The following ZNF445 variants were observed in gnomAD, a reference collection of about 807,000 sequenced individuals.
ZNF445 encodes zinc finger protein 445.
In ZNF445, 19 loss-of-function variants were observed where a neutral mutation model predicts 93.9. That is an observed-to-expected ratio of 0.20 (90% CI 0.14 to 0.30). The LOEUF is 0.30. Among genes scored for constraint, ZNF445 ranks in the 10% least tolerant of loss-of-function variants. The pLI, the probability that ZNF445 is intolerant of heterozygous loss-of-function variation, is 1.00. For synonymous variants in ZNF445, 449 were observed against 446.3 expected (o/e 1.01, Z -0.08); for missense variants, 1,058 against 1,259.4 (o/e 0.84, Z 2.42).
rs1023916387 is a variant in ZNF445, at chr3:44,439,961, G to C, written c.*6614C>G. 2.0e-5 allele frequency: 3 copies of C among 152,216 alleles called. No individual in the cohort carries two copies. The highest frequency in any genetic ancestry group is 7.2e-5 in the African/African-American group (3 of 41,444). The allele number at this position is 152,216 out of a possible 1,614,324, so 9.4% of individuals were successfully genotyped here. ...ACTTCCCCTCTGACGCAAAGAGGAA[G>C]TGGCTGGGCTTTCTTATCAGCTTGT... is the stretch of plus-strand genomic sequence containing the variant. On this transcript the variant is annotated 3_prime_UTR_variant, in exon 8 of 8. Coordinates refer to ENST00000396077, the MANE Select transcript of ZNF445 (RefSeq NM_181489.6).
rs1220233690 is a variant in ZNF445 at position 44,441,638 on chromosome 3, G to A, written c.*4937C>T. 1 of 152,158 alleles carries A rather than the reference G, an allele frequency of 6.6e-6. No individual in the cohort carries two copies. Among genetic ancestry groups the A allele is most frequent in the Non-Finnish European group, 1.5e-5 (1 of 68,024 alleles). The allele number at this position is 152,158 out of a possible 1,614,324, so 9.4% of individuals were successfully genotyped here. ...TTCTATAAAGTCATAAGATGTCAGA[G>A]ACTATGCTTAAGAAATATTTTTACT... is the stretch of plus-strand genomic sequence containing the variant. On this transcript the variant is annotated 3_prime_UTR_variant, in exon 8 of 8. Transcript: ENST00000396077.
Position 44,446,974 on chromosome 3 carries a change from C to T in ZNF445, c.2697G>A (p.Gln899=). Reference sequence around the variant, plus strand: ...TCCCAATGAACTCTTTCCCACACCACTGACATTTGAAAGGTCTCTCTGTAG... The same window carrying T: ...TCCCAATGAACTCTTTCCCACACCATTGACATTTGAAAGGTCTCTCTGTAG... ...IHSTERPFKC[Q]WCGKEFIGRH... The change falls in exon 8 of 8, where the codon CAG becomes CAA. Residue 899 remains glutamine (Q), a synonymous_variant. Transcript: ENST00000396077. This position sits in a 1 kb window ranked among gnomAD's most constrained non-coding sequence, Gnocchi z 4.2. The T allele has an allele frequency of 6.2e-7, 1 of 1,614,244 alleles. No individual in the cohort carries two copies.
In ZNF445 at chr3:44,449,589, C is replaced by A; in HGVS notation, c.855G>T (p.Trp285Cys). ...GGCCCCATGGCTCCCTTGCTTCCAA[C>A]CAGGAGATCAGAGCAGGTTTGGTGA... ...GPFTKPALIS[W>C]LEAREPWGLN... Residue 285 changes from tryptophan (W) to cysteine (C), a missense_variant, in exon 7 of 8, where the codon TGG (tryptophan) becomes TGT (cysteine). Coordinates refer to ENST00000396077, the MANE Select transcript of ZNF445 (RefSeq NM_181489.6). 1 of 1,614,088 alleles carries A rather than the reference C, an allele frequency of 6.2e-7. No homozygotes were observed. The highest frequency in any genetic ancestry group is 8.5e-7 in the Non-Finnish European group (1 of 1,180,012).
At chr3:44,476,990 G>GA (rs1344418401) in intron 1 of ZNF445, among the ~76,000 whole-genome samples, 1 of 152,150 alleles carries the variant, frequency 6.6e-6, no homozygotes, top group Non-Finnish European at 1.5e-5. Flanking sequence ...ACAAATTCAG[G>GA]AGATTATAAT....
intron 1 of ZNF445, among the ~76,000 whole-genome samples, chr3:44,475,663 C>T (rs1164372079): frequency 1.3e-5 from 2 of 152,140 alleles, no homozygotes; most frequent in African/African-American, 4.8e-5. Context: ...TATGAGGAGA[C>T]AGATTCGTGG....
intron 2 of ZNF445, among the ~76,000 whole-genome samples, chr3:44,457,415 GCATGTGACACCACACT>G (rs1698044076): frequency 6.6e-6 from 1 of 151,994 alleles, no homozygotes; most frequent in South Asian, 2.1e-4. Flanking sequence ...GAGACTACAG[GCATGTGACACCACACT>G]CAGATAATTT....
intron 1 of ZNF445, among the ~76,000 whole-genome samples, chr3:44,466,821 T>C (rs866631438): frequency 6.6e-6 from 1 of 152,238 alleles, no homozygotes; most frequent in East Asian, 1.9e-4. Context: ...AAATATGTTA[T>C]CAGTATGTGT....
intron 1 of ZNF445, among the ~76,000 whole-genome samples, chr3:44,466,761 A>C (rs747764287): frequency 1.9e-4 from 29 of 152,218 alleles, no homozygotes; most frequent in Non-Finnish European, 5.9e-5. Flanking sequence ...TAGAATAAAC[A>C]CTTTCAAATA....
At position 44,435,317 on chromosome 3, in the gene ZNF445, C is replaced by G. The variant is rs12492067; in HGVS notation, c.*11258G>C. ...TCTCTCTTTTGCAAAACCCATGTCA[C>G]AGTGATTGATTTACTGTGTGAGAAC... On this transcript the variant is annotated 3_prime_UTR_variant, in exon 8 of 8. Transcript: ENST00000396077. The G allele has an allele frequency of 0.12, 18,404 of 152,208 alleles. 1,203 individuals carry two copies. Among genetic ancestry groups the G allele is most frequent in the South Asian group, 0.16 (789 of 4,822 alleles). The allele number at this position is 152,208 out of a possible 1,614,324, so 9.4% of individuals were successfully genotyped here.
In ZNF445 at chr3:44,436,628, G is replaced by A. The variant is rs1356939998; in HGVS notation, c.*9947C>T. 6.6e-6 allele frequency: 1 copy of A among 151,962 alleles called. No homozygotes were observed. The highest frequency in any genetic ancestry group is 2.4e-5 in the African/African-American group (1 of 41,368). The allele number at this position is 151,962 out of a possible 1,614,324, so 9.4% of individuals were successfully genotyped here. A position where few individuals can be genotyped will look rare whatever the true frequency, so the allele number is the denominator to read the frequency against. ...TCGCATTTCAACTCATTCAGTGCAG[G>A]TTATGTTTGCATTCGTGTTTTTTTT... On this transcript the variant is annotated 3_prime_UTR_variant, in exon 8 of 8. Transcript: ENST00000396077.
At chr3:44,452,808 G>A (rs1381258250) in intron 3 of ZNF445, among the ~76,000 whole-genome samples, 4 of 151,606 alleles carry the variant, frequency 2.6e-5, no homozygotes, top group African/African-American at 7.3e-5. Flanking sequence ...TATACCCTGT[G>A]TCTATTTATT....
rs563704811 is a variant in ZNF445 at position 44,461,289 on chromosome 3, C to T, written c.-268-2925G>A. Reference sequence around the variant, plus strand: ...GGGTGTCTGTTTGGCTCCTGAAGTGCTCCTTCTAACCAGGAGGAAGAGTCC... The same window carrying T: ...GGGTGTCTGTTTGGCTCCTGAAGTGTTCCTTCTAACCAGGAGGAAGAGTCC... On this transcript the variant is annotated intron_variant, in intron 1 of 7. Coordinates refer to ENST00000396077, the MANE Select transcript of ZNF445 (RefSeq NM_181489.6). Among the ~76,000 whole-genome samples the T allele has an allele frequency of 3.3e-5, 5 of 152,262 alleles. No individual in the cohort carries two copies. In the East Asian group the frequency reaches 7.7e-4, roughly 24 times the overall value.
Position 44,451,285 on chromosome 3 carries a change from C to G in ZNF445, c.598+29G>C, listed in dbSNP as rs780877627. ...GAAATGCAAGAAGTGTGGCATAAGG[C>G]TGGGGTCTTAAGGCCAGGCAGCAAG... On this transcript the variant is annotated intron_variant, in intron 4 of 7. Coordinates refer to ENST00000396077, the MANE Select transcript of ZNF445 (RefSeq NM_181489.6). 50 of 1,607,274 alleles carry G rather than the reference C, an allele frequency of 3.1e-5. No individual in the cohort carries two copies. In the Admixed American group the frequency reaches 8.4e-4, roughly 27 times the overall value.
Position 44,448,060 on chromosome 3 carries a change from T to C in ZNF445, c.1611A>G (p.Gly537=). ...ATAAATCGCATTTATAAGGCTTCAC[T>C]CCAGTGTGAATTTTCTCATGCCGCG... The part of the protein sequence containing the change: ...NCARHEKIHT[G]VKPYKCDLCE... The change falls in exon 8 of 8, where the codon GGA becomes GGG. Residue 537 remains glycine, a synonymous_variant. Coordinates refer to ENST00000396077, the MANE Select transcript of ZNF445 (RefSeq NM_181489.6). 1 of 1,612,496 alleles carries C rather than the reference T, an allele frequency of 6.2e-7. No homozygotes were observed. The highest frequency in any genetic ancestry group is 1.3e-5 in the African/African-American group (1 of 75,024).
At position 44,438,155 on chromosome 3, in the gene ZNF445, TTCAC is replaced by T. The variant is rs1271478983; in HGVS notation, c.*8416_*8419del. On this transcript the variant is annotated 3_prime_UTR_variant, in exon 8 of 8. Coordinates refer to ENST00000396077, the MANE Select transcript of ZNF445 (RefSeq NM_181489.6). ...GTATCTCCTCAGTCACATTTTGCAC[TTCAC>T]TTTTTTTTTTTTTTAATTGAGACAA... 4.6e-5 allele frequency: 7 copies of T among 151,948 alleles called. No individual in the cohort carries two copies. Among genetic ancestry groups the T allele is most frequent in the African/African-American group, 1.7e-4 (7 of 41,464 alleles). 9.4% of individuals were successfully genotyped at this position (151,948 alleles called of 1,614,324 possible).
At chr3:44,468,233 G>C (rs1176585924) in intron 1 of ZNF445, among the ~76,000 whole-genome samples, 2 of 152,114 alleles carry the variant, frequency 1.3e-5, no homozygotes, top group Non-Finnish European at 2.9e-5. Context: ...CCTTATTAAG[G>C]TGTTATAAAA....
At chr3:44,459,731 T>C (rs976925614) in intron 1 of ZNF445, among the ~76,000 whole-genome samples, 4 of 152,242 alleles carry the variant, frequency 2.6e-5, no homozygotes, top group Non-Finnish European at 5.9e-5. Context: ...TGGTCTATGA[T>C]AGAGGCAGCA....
At position 44,431,747 on chromosome 3, in the gene ZNF445, A is replaced by G. The variant is rs1697554684; in HGVS notation, c.*14828T>C. On this transcript the variant is annotated 3_prime_UTR_variant, in exon 8 of 8. Coordinates refer to ENST00000396077, the MANE Select transcript of ZNF445 (RefSeq NM_181489.6). ...AAGACAGACAATACTTTATTACTTC[A>G]TTTCTATAAAGTACAAAAACAGGCA... 6.6e-6 allele frequency: 1 copy of G among 152,036 alleles called. No homozygotes were observed. 9.4% of individuals were successfully genotyped at this position (152,036 alleles called of 1,614,324 possible).
At position 44,432,588 on chromosome 3, in the gene ZNF445, G is replaced by A. The variant is rs890811348; in HGVS notation, c.*13987C>T. Reference sequence around the variant, plus strand: ...TTCTCCTCAGGTCTTCAGGTGATTGGATGAAGCCCACCCACAGATAGAGGG... The same window carrying A: ...TTCTCCTCAGGTCTTCAGGTGATTGAATGAAGCCCACCCACAGATAGAGGG... On this transcript the variant is annotated 3_prime_UTR_variant, in exon 8 of 8. Transcript: ENST00000396077. 1 of 152,156 alleles carries A rather than the reference G, an allele frequency of 6.6e-6. No individual in the cohort carries two copies. The highest frequency in any genetic ancestry group is 1.5e-5 in the Non-Finnish European group (1 of 68,070). 9.4% of individuals were successfully genotyped at this position (152,156 alleles called of 1,614,324 possible).
Sources: allele counts gnomAD v4.1 joint callset (sites outside exome capture counted in the v4.1 genomes callset), GRCh38; gene constraint gnomAD v4.1.1; non-coding constraint Gnocchi (gnomAD v3.1); transcripts MANE v1.5; gene names NCBI Gene and HGNC (gene_info 2026-07-23, HGNC 2026-07-21).